RIPOR2: variants seen among roughly 807,000 people sequenced by gnomAD.
RIPOR2 encodes rho family-interacting cell polarization regulator 2.
Under a neutral mutation model 114.5 loss-of-function variants are expected in RIPOR2, and 39 were observed. That is an observed-to-expected ratio of 0.34 (90% CI 0.26 to 0.44). The LOEUF (loss-of-function observed/expected upper bound fraction) is 0.44. Ranked by LOEUF, RIPOR2 falls within the 20% of genes least tolerant of loss-of-function variation. The pLI is 1.00. For synonymous variants in RIPOR2, 445 were observed against 484.4 expected (o/e 0.92, Z 1.07); for missense variants, 1,007 against 1,255.1 (o/e 0.80, Z 2.99).
intron 12 of RIPOR2, 111 bp downstream of exon 12, chr6:24,847,914 C>T: frequency 7.0e-7 from 1 of 1,423,054 alleles, no homozygotes; most frequent in African/African-American, 1.4e-5. Flanking sequence ...AGGCTCACCA[C>T]CTCTGATAGA....
chr6:25,030,681 C>T (rs889268594), intron 1 of RIPOR2, among the ~76,000 whole-genome samples: 1 of 151,964 alleles, frequency 6.6e-6, no homozygotes, highest in African/African-American at 2.4e-5. Context: ...TAGGGTCTTG[C>T]TGTTTTTCGT....
chr6:24,827,048 G>A (rs1760251186), intron 18 of RIPOR2, among the ~76,000 whole-genome samples: 1 of 152,046 alleles, frequency 6.6e-6, no homozygotes, highest in Non-Finnish European at 1.5e-5. Flanking sequence ...AGAGCCTAGA[G>A]ATGTAAACTG....
chr6:24,830,690 C>G lies in RIPOR2; in HGVS notation c.2345-20G>C, dbSNP rs1246256676. The stretch of plus-strand genomic sequence containing the variant: ...GTATGGCTGGAAAAGAAGAGCAACC[C>G]CCCATCTCGTAACACATTTTATTTT... On this transcript the variant is annotated intron_variant, in intron 16 of 21. Transcript: ENST00000643898. 2 of 1,540,422 alleles carry G rather than the reference C, an allele frequency of 1.3e-6. No homozygotes were observed. Among genetic ancestry groups the G allele is most frequent in the South Asian group, 2.4e-5 (2 of 82,548 alleles).
chr6:24,819,836 A>C (rs1045315061), intron 19 of RIPOR2, among the ~76,000 whole-genome samples: 1 of 151,428 alleles, frequency 6.6e-6, no homozygotes, highest in African/African-American at 2.4e-5. Flanking sequence ...TTTCTTCCTA[A>C]ATGGTTGATA....
At chr6:24,932,623 T>C (rs1771492286) in intron 1 of RIPOR2, among the ~76,000 whole-genome samples, 1 of 152,224 alleles carries the variant, frequency 6.6e-6, no homozygotes, top group Admixed American at 6.5e-5. Context: ...ACTCATTGAC[T>C]CATTTTTTTT....
chr6:24,956,344 T>G (rs1773042541), intron 1 of RIPOR2, among the ~76,000 whole-genome samples: 1 of 152,220 alleles, frequency 6.6e-6, no homozygotes, highest in African/African-American at 2.4e-5. Flanking sequence ...TTTTTTAGGT[T>G]AAAAATAACT....
rs568604071 is a variant in RIPOR2 at position 24,892,050 on chromosome 6, G to T, written c.62-16233C>A. 2.8e-4 allele frequency among the ~76,000 whole-genome samples: 42 copies of T among 152,180 alleles called. No individual in the cohort carries two copies. In the East Asian group the frequency reaches 5.2e-3, roughly 19 times the overall value. Reference sequence around the variant, plus strand: ...ATTTTTGTATTTTTAGTAGAGACAGGGTTTCACTATGTTGGCCAGGCTGGT... The same window carrying T: ...ATTTTTGTATTTTTAGTAGAGACAGTGTTTCACTATGTTGGCCAGGCTGGT... On this transcript the variant is annotated intron_variant, in intron 1 of 21. Transcript: ENST00000643898.
chr6:25,024,017 C>A, intron 1 of RIPOR2: 1 of 751,812 alleles, frequency 1.3e-6, no homozygotes, highest in Non-Finnish European at 2.5e-6. Context: ...TCCATCAGGT[C>A]ATTACGGCCC....
chr6:24,860,916 G>A, intron 8 of RIPOR2, 57 bp downstream of exon 8: 1 of 1,096,640 alleles, frequency 9.1e-7, no homozygotes, highest in Non-Finnish European at 1.3e-6. Flanking sequence ...AAACTTCAAG[G>A]AGCTCTGCAC....
intron 18 of RIPOR2, 40 bp from the exon 19 acceptor site, chr6:24,825,468 G>A: frequency 7.1e-7 from 1 of 1,400,880 alleles, no homozygotes. Context: ...GTTCTGACAT[G>A]CTAAAGTAAT....
In RIPOR2 at chr6:24,949,285, C is replaced by T. The variant is rs187799044; in HGVS notation, c.77-73468G>A. 1.3e-4 allele frequency among the ~76,000 whole-genome samples: 20 copies of T among 152,168 alleles called. No homozygotes were observed. In the East Asian group the frequency reaches 1.4e-3, roughly 10 times the overall value. On this transcript the variant is annotated intron_variant, in intron 1 of 13. Coordinates refer to the RIPOR2 transcript ENST00000510784. ...TTCAAGAGGGAGGGGAGCAGAAAGCCGCCAGCTCTCCAAAAAACAAGAAGC... is the reference window on the plus strand; with the variant it reads ...TTCAAGAGGGAGGGGAGCAGAAAGCTGCCAGCTCTCCAAAAAACAAGAAGC...
chr6:24,890,654 T>C (rs927695380), intron 1 of RIPOR2, among the ~76,000 whole-genome samples: 22 of 151,002 alleles, frequency 1.5e-4, no homozygotes, highest in East Asian at 5.8e-4. Context: ...AATAGATTTT[T>C]TTCTTTTTTT....
intron 1 of RIPOR2, among the ~76,000 whole-genome samples, chr6:25,040,477 G>A (rs1277784132): frequency 2.0e-5 from 3 of 151,944 alleles, no homozygotes; most frequent in Non-Finnish European, 4.4e-5. Context: ...GGCTACTGGT[G>A]GTCCACAGTT....
intron 1 of RIPOR2, among the ~76,000 whole-genome samples, chr6:24,948,537 T>C (rs6938565): frequency 1.4e-3 from 50 of 36,794 alleles, no homozygotes; most frequent in African/African-American, 3.0e-3. Flanking sequence ...TTCTTTCTTT[T>C]TTTTTTTTTT....
At chr6:24,900,448 G>T (rs1239862250) in intron 1 of RIPOR2, among the ~76,000 whole-genome samples, 1 of 152,152 alleles carries the variant, frequency 6.6e-6, no homozygotes, top group Non-Finnish European at 1.5e-5. Context: ...TGTTTATTTA[G>T]ATTGGATGTT....
At chr6:25,013,227 C>A (rs765360521) in intron 1 of RIPOR2, among the ~76,000 whole-genome samples, 15 of 152,094 alleles carry the variant, frequency 9.9e-5, no homozygotes, top group Admixed American at 4.6e-4. Context: ...GAAGCTCTAA[C>A]GTTTGATTGG....
At chr6:24,907,240 GA>G (rs769349337) in intron 1 of RIPOR2, among the ~76,000 whole-genome samples, 1 of 152,002 alleles carries the variant, frequency 6.6e-6, no homozygotes, top group African/African-American at 2.4e-5. Context: ...TTTCACTGTT[GA>G]AAAAAATCTA....
At chr6:24,917,310 G>A (rs945739773) in intron 1 of RIPOR2, among the ~76,000 whole-genome samples, 1 of 152,212 alleles carries the variant, frequency 6.6e-6, no homozygotes, top group Non-Finnish European at 1.5e-5. Context: ...CAGTGATCTA[G>A]ATGGACAAAA....
intron 19 of RIPOR2, among the ~76,000 whole-genome samples, chr6:24,823,115 CA>C (rs1292656494): frequency 6.6e-6 from 1 of 152,194 alleles, no homozygotes; most frequent in African/African-American, 2.4e-5. Context: ...CCAACACACA[CA>C]ACTTTTATTT....
Sources: gnomAD v4.1 joint callset for allele counts (sites outside exome capture counted in the v4.1 genomes callset) on GRCh38, gnomAD v4.1.1 for gene constraint, MANE v1.5 for transcripts, NCBI Gene and HGNC (gene_info 2026-07-23, HGNC 2026-07-21) for gene names.